Variants in SINHCAF observed in about 807,000 individuals in gnomAD.
The protein encoded by SINHCAF is SIN3-HDAC complex-associated factor.
A neutral mutation model predicts 25.8 loss-of-function variants in SINHCAF; 3 were observed. The ratio of observed to expected loss-of-function variants is 0.12; its 90% confidence interval spans 0.05 to 0.30. The LOEUF (loss-of-function observed/expected upper bound fraction) is 0.30. Ranked by LOEUF, SINHCAF falls within the 10% of genes least tolerant of loss-of-function variation. The pLI is 1.00. For missense variants in SINHCAF, 121 were observed against 262.3 expected (o/e 0.46, Z 3.72); for synonymous variants, 70 against 85.5 (o/e 0.82, Z 1.00).
intron 1 of SINHCAF, among the ~76,000 whole-genome samples, chr12:31,323,757 T>C (rs1485836593): frequency 6.7e-6 from 1 of 149,480 alleles, no homozygotes; most frequent in Non-Finnish European, 1.5e-5. Context: ...CAGTCCTCAC[T>C]TCCCTTAGTA....
intron 1 of SINHCAF, among the ~76,000 whole-genome samples, chr12:31,316,935 T>C (rs1201839451): frequency 6.6e-6 from 1 of 152,190 alleles, no homozygotes. Context: ...AGGGTTCTTA[T>C]TACGATGAAT....
At chr12:31,288,530 A>T (rs1181283947) in intron 4 of SINHCAF, among the ~76,000 whole-genome samples, 1 of 151,916 alleles carries the variant, frequency 6.6e-6, no homozygotes, top group Non-Finnish European at 1.5e-5. Flanking sequence ...GGTAGCCTGA[A>T]CTCTCTCCTG....
chr12:31,319,733 C>G lies in SINHCAF; in HGVS notation c.-21+6291G>C, dbSNP rs909117090. Among the ~76,000 whole-genome samples, 3 of 152,298 alleles carry G rather than the reference C, an allele frequency of 2.0e-5. No homozygotes were observed. The East Asian group carries it at 5.8e-4, about 29-fold the overall frequency. On this transcript the variant is annotated intron_variant, in intron 1 of 5. Transcript: ENST00000337682. ...TGGGCAATCCACTCGCAGGAAGTTACTAACCAACCTTATTGGTAATACCTA... is the reference window on the plus strand; with the variant it reads ...TGGGCAATCCACTCGCAGGAAGTTAGTAACCAACCTTATTGGTAATACCTA...
At chr12:31,311,544 A>C in intron 1 of SINHCAF, 1 of 247,634 alleles carries the variant, frequency 4.0e-6, no homozygotes, top group Non-Finnish European at 7.9e-6. Context: ...CTGGTACTGG[A>C]AGTGAACCAC....
At position 31,325,828 on chromosome 12, in the gene SINHCAF, G is replaced by A. The variant is rs1244681244; in HGVS notation, c.-21+196C>T. 1 of 152,366 alleles carries A rather than the reference G, an allele frequency of 6.6e-6. No individual in the cohort carries two copies. The highest frequency in any genetic ancestry group is 1.5e-5 in the Non-Finnish European group (1 of 68,314). The allele number at this position is 152,366 out of a possible 1,614,324, so 9.4% of individuals were successfully genotyped here. A position where few individuals can be genotyped will look rare whatever the true frequency, so the allele number is the denominator to read the frequency against. ...CAATTAATAAATACACACTAAACACGAGCGTACCAAAGAACCTGGGGTCTG... is the reference window on the plus strand; with the variant it reads ...CAATTAATAAATACACACTAAACACAAGCGTACCAAAGAACCTGGGGTCTG... On this transcript the variant is annotated intron_variant, in intron 1 of 5. Coordinates refer to ENST00000337682, the MANE Select transcript of SINHCAF (RefSeq NM_001135812.2). The surrounding 1 kb of genome is among the most constrained non-coding windows in gnomAD (Gnocchi z 5.9).
chr12:31,302,455 AT>A (rs1938839704), intron 1 of SINHCAF, among the ~76,000 whole-genome samples: 1 of 149,860 alleles, frequency 6.7e-6, no homozygotes, highest in Non-Finnish European at 1.5e-5. Flanking sequence ...TTGTAAACTC[AT>A]CATCTCGGAT....
At chr12:31,321,983 A>T (rs546546485) in intron 1 of SINHCAF, among the ~76,000 whole-genome samples, 2 of 150,974 alleles carry the variant, frequency 1.3e-5, no homozygotes, top group South Asian at 4.2e-4. Flanking sequence ...CTTGATAACC[A>T]CTCTGGGGGA....
chr12:31,306,259 A>T lies in SINHCAF; in HGVS notation c.-20-8035T>A, dbSNP rs115275784. Among the ~76,000 whole-genome samples the T allele has an allele frequency of 9.2e-3, 1,399 of 152,342 alleles. 20 individuals carry two copies. Among genetic ancestry groups the T allele is most frequent in the African/African-American group, 0.032 (1,316 of 41,576 alleles). On this transcript the variant is annotated intron_variant, in intron 1 of 5. Coordinates refer to ENST00000337682, the MANE Select transcript of SINHCAF (RefSeq NM_001135812.2). Reference sequence around the variant, plus strand: ...CTCAAAAGGTCTAGGTAGAAAAAGAAAATGATCCTGAGCCCCATAAAGGGG... The same window carrying T: ...CTCAAAAGGTCTAGGTAGAAAAAGATAATGATCCTGAGCCCCATAAAGGGG...
intron 4 of SINHCAF, among the ~76,000 whole-genome samples, chr12:31,290,709 T>C (rs1565490820): frequency 6.6e-6 from 1 of 152,126 alleles, no homozygotes; most frequent in Non-Finnish European, 1.5e-5. Context: ...TATCTGACCA[T>C]TTTTGTTTTG....
chr12:31,282,894 A>C, intron 5 of SINHCAF, 23 bp from the exon 6 acceptor site: 1 of 1,551,296 alleles, frequency 6.4e-7, no homozygotes, highest in Non-Finnish European at 8.7e-7. Flanking sequence ...ATGGAGAACA[A>C]GATACATTAA....
chr12:31,282,651 T>C lies in SINHCAF; in HGVS notation c.*61A>G. 3 of 1,411,656 alleles carry C rather than the reference T, an allele frequency of 2.1e-6. No homozygotes were observed. The highest frequency in any genetic ancestry group is 2.9e-6 in the Non-Finnish European group (3 of 1,046,594). 87.4% of individuals were successfully genotyped at this position (1,411,656 alleles called of 1,614,324 possible). Reference sequence around the variant, plus strand: ...AAAAAAAGAGGGTCAGTTTGTAGCTTTGTGGTTTTTCAAAATTCAGATATT... The same window carrying C: ...AAAAAAAGAGGGTCAGTTTGTAGCTCTGTGGTTTTTCAAAATTCAGATATT... On this transcript the variant is annotated 3_prime_UTR_variant, in exon 6 of 6. Coordinates refer to ENST00000337682, the MANE Select transcript of SINHCAF (RefSeq NM_001135812.2).
In SINHCAF at chr12:31,307,131, T is replaced by C. The variant is rs1423181358; in HGVS notation, c.-20-8907A>G. Among the ~76,000 whole-genome samples, 5 of 152,352 alleles carry C rather than the reference T, an allele frequency of 3.3e-5. No individual in the cohort carries two copies. The East Asian group carries it at 9.6e-4, about 29-fold the overall frequency. The stretch of plus-strand genomic sequence containing the variant: ...GGCCTGGTGCAGTGGCTCATGCCTA[T>C]AATCCTAGCACTTTGTGGTCTGCTA... On this transcript the variant is annotated intron_variant, in intron 1 of 5. Transcript: ENST00000337682.
At chr12:31,323,933 C>G (rs994299941) in intron 1 of SINHCAF, 1 of 455,498 alleles carries the variant, frequency 2.2e-6, no homozygotes, top group African/African-American at 2.0e-5. Context: ...CCAGGGCCCT[C>G]GGGTCCCCAC....
intron 3 of SINHCAF, 30 bp from the exon 4 acceptor site, chr12:31,293,961 A>C (rs776985591): frequency 1.9e-6 from 3 of 1,556,232 alleles, no homozygotes; most frequent in Non-Finnish European, 2.6e-6. Context: ...ATTTAATAAT[A>C]TTTTTAAAAT....
At chr12:31,286,929 G>T (rs1305106207) in intron 5 of SINHCAF, among the ~76,000 whole-genome samples, 2 of 151,850 alleles carry the variant, frequency 1.3e-5, no homozygotes, top group Admixed American at 6.6e-5. Context: ...TTGTTTGTTT[G>T]TTTTTTTAAA....
Position 31,324,598 on chromosome 12 carries a change from C to T in SINHCAF, c.-21+1426G>A, listed in dbSNP as rs750935756. The T allele has an allele frequency of 3.8e-6, 1 of 263,266 alleles. No individual in the cohort carries two copies. The highest frequency in any genetic ancestry group is 7.6e-6 in the Non-Finnish European group (1 of 131,108). The allele number at this position is 263,266 out of a possible 1,614,324, so 16.3% of individuals were successfully genotyped here. On this transcript the variant is annotated intron_variant, in intron 1 of 5. Transcript: ENST00000337682. This position sits in a 1 kb window ranked among gnomAD's most constrained non-coding sequence, Gnocchi z 5.5. Reference sequence around the variant, plus strand: ...TCGAGGGCCTCCGACCTGCACGGCCCTACGCCCAGGCGGCGGCCCCGAGCG... The same window carrying T: ...TCGAGGGCCTCCGACCTGCACGGCCTTACGCCCAGGCGGCGGCCCCGAGCG...
chr12:31,293,953 TTAA>T lies in SINHCAF; in HGVS notation c.229-25_229-23del, dbSNP rs773288622. ...CCACCTGGAAGAAAATACTGAATAT[TTAA>T]TAATATTTTTAAAATGACACCAGTG... is the stretch of plus-strand genomic sequence containing the variant. On this transcript the variant is annotated intron_variant, in intron 3 of 5. Transcript: ENST00000337682. 3.8e-6 allele frequency: 6 copies of T among 1,566,998 alleles called. No individual in the cohort carries two copies. The Admixed American group carries it at 6.0e-5, about 16-fold the overall frequency.
At chr12:31,294,774 G>C (rs1477618571) in intron 3 of SINHCAF, among the ~76,000 whole-genome samples, 1 of 152,164 alleles carries the variant, frequency 6.6e-6, no homozygotes, top group African/African-American at 2.4e-5. Flanking sequence ...AGCTCTGTAA[G>C]AGAGCTATTA....
chr12:31,287,397 T>C (rs1463615084), intron 5 of SINHCAF, among the ~76,000 whole-genome samples: 1 of 152,210 alleles, frequency 6.6e-6, no homozygotes, highest in Non-Finnish European at 1.5e-5. Context: ...ATTGTCTTTC[T>C]ACTCCACTTA....
Sources: allele counts gnomAD v4.1 joint callset (sites outside exome capture counted in the v4.1 genomes callset), GRCh38; gene constraint gnomAD v4.1.1; non-coding constraint Gnocchi (gnomAD v3.1); transcripts MANE v1.5; gene names NCBI Gene and HGNC (gene_info 2026-07-23, HGNC 2026-07-21).